The following GRIN2B variants were observed in gnomAD, a reference collection of about 807,000 sequenced individuals.
GRIN2B encodes the protein glutamate receptor ionotropic, NMDA 2B.
Under a neutral mutation model 114.5 loss-of-function variants are expected in GRIN2B, and 5 were observed. That is an observed-to-expected ratio of 0.04 (90% confidence interval 0.02 to 0.09). The LOEUF is 0.09. Among genes scored for constraint, GRIN2B ranks in the 10% least tolerant of loss-of-function variants. The probability of loss-of-function intolerance (pLI) is 1.00; values close to 1 mark genes in which losing one functional copy is unlikely to be tolerated. For synonymous variants in GRIN2B, 787 were observed against 745.1 expected (o/e 1.06, Z -0.92); for missense variants, 1,108 against 1,943.5 (o/e 0.57, Z 8.08).
rs907677743 is a variant in GRIN2B, at chr12:13,577,592, G to C, written c.2011-5628C>G. Among the ~76,000 whole-genome samples the C allele has an allele frequency of 3.3e-5, 5 of 152,220 alleles. 1 individual carries two copies. On this transcript the variant is annotated intron_variant, in intron 10 of 13. Transcript: ENST00000609686. ...GAGCAAGTAAGGGAAGTACGGATCT[G>C]GTCCATTTTTAATATATAAATTGAT...
At chr12:13,674,463 G>A (rs193003981) in intron 5 of GRIN2B, among the ~76,000 whole-genome samples, 1 of 152,098 alleles carries the variant, frequency 6.6e-6, no homozygotes, top group Non-Finnish European at 1.5e-5. Flanking sequence ...TCAACTTGAA[G>A]AATTAGATCC....
chr12:13,827,529 T>A (rs768949039), intron 3 of GRIN2B, among the ~76,000 whole-genome samples: 7 of 152,254 alleles, frequency 4.6e-5, no homozygotes, highest in Middle Eastern at 3.4e-3. Context: ...TTTATTACAA[T>A]GCCTAATCTA....
intron 10 of GRIN2B, among the ~76,000 whole-genome samples, chr12:13,607,377 TATATATAA>T (rs1949287654): frequency 7.6e-5 from 2 of 26,222 alleles, no homozygotes; most frequent in Non-Finnish European, 1.4e-4. Flanking sequence ...TTATATATTA[TATATATAA>T]TATATATTAT....
intron 2 of GRIN2B, among the ~76,000 whole-genome samples, chr12:13,928,463 C>G (rs1466945009): frequency 1.3e-5 from 2 of 151,992 alleles, no homozygotes; most frequent in Non-Finnish European, 2.9e-5. Flanking sequence ...ATATGGTTAC[C>G]TAAAAAGTTC....
chr12:13,695,628 T>C (rs1823468275), intron 4 of GRIN2B, among the ~76,000 whole-genome samples: 1 of 151,890 alleles, frequency 6.6e-6, no homozygotes, highest in Non-Finnish European at 1.5e-5. Context: ...GCAGAAGCAA[T>C]GGAAGAAATA....
intron 2 of GRIN2B, among the ~76,000 whole-genome samples, chr12:13,948,976 G>A (rs539202395): frequency 6.6e-6 from 1 of 152,288 alleles, no homozygotes; most frequent in South Asian, 2.1e-4. Context: ...AGGAGGGAAA[G>A]CAGTCTTAAG....
At chr12:13,745,124 A>G (rs1017720677) in intron 4 of GRIN2B, among the ~76,000 whole-genome samples, 1 of 152,140 alleles carries the variant, frequency 6.6e-6, no homozygotes, top group African/African-American at 2.4e-5. Flanking sequence ...TATAAAAGCC[A>G]CACAACCATC....
At chr12:13,583,893 T>G (rs530973387) in intron 10 of GRIN2B, among the ~76,000 whole-genome samples, 1 of 152,158 alleles carries the variant, frequency 6.6e-6, no homozygotes, top group African/African-American at 2.4e-5. Context: ...TGCTCAGGTG[T>G]AGCTATTGTT....
chr12:13,939,990 A>G (rs1006670727), intron 2 of GRIN2B, among the ~76,000 whole-genome samples: 4 of 152,118 alleles, frequency 2.6e-5, no homozygotes, highest in Non-Finnish European at 5.9e-5. Flanking sequence ...AACCACAGTG[A>G]CCTGTAAACC....
intron 3 of GRIN2B, among the ~76,000 whole-genome samples, chr12:13,858,586 T>C (rs1865701561): frequency 6.6e-6 from 1 of 152,230 alleles, no homozygotes; most frequent in Non-Finnish European, 1.5e-5. Flanking sequence ...CAATATTTAG[T>C]AAATTTATGT....
chr12:13,720,528 A>T (rs1361527920), intron 4 of GRIN2B, among the ~76,000 whole-genome samples: 1 of 152,122 alleles, frequency 6.6e-6, no homozygotes, highest in African/African-American at 2.4e-5. Flanking sequence ...CTGTCAAAAA[A>T]CATGAACTAA....
At chr12:13,830,204 A>G (rs1030309886) in intron 3 of GRIN2B, among the ~76,000 whole-genome samples, 10 of 152,362 alleles carry the variant, frequency 6.6e-5, no homozygotes, top group African/African-American at 1.9e-4. Context: ...AGCAGGGCAC[A>G]GTTAGTAAAC....
intron 3 of GRIN2B, among the ~76,000 whole-genome samples, chr12:13,814,518 G>C (rs912801484): frequency 3.9e-5 from 6 of 152,204 alleles, no homozygotes; most frequent in Non-Finnish European, 7.3e-5. Context: ...GAATTTCAGT[G>C]AATAATGAGA....
At chr12:13,894,174 T>G (rs1358715112) in intron 2 of GRIN2B, among the ~76,000 whole-genome samples, 1 of 152,082 alleles carries the variant, frequency 6.6e-6, no homozygotes, top group Non-Finnish European at 1.5e-5. Flanking sequence ...GCATTACAGA[T>G]CAAGAGCTTT....
intron 8 of GRIN2B, among the ~76,000 whole-genome samples, chr12:13,612,110 G>A (rs1949373142): frequency 6.6e-6 from 1 of 152,146 alleles, no homozygotes; most frequent in South Asian, 2.1e-4. Flanking sequence ...TGCCATTATT[G>A]GACCAATATC....
At chr12:13,702,465 T>G (rs996119995) in intron 4 of GRIN2B, among the ~76,000 whole-genome samples, 1 of 152,216 alleles carries the variant, frequency 6.6e-6, no homozygotes, top group Non-Finnish European at 1.5e-5. Context: ...CTAGGGAATG[T>G]CTCTGTATCA....
At chr12:13,905,353 A>G (rs1202342975) in intron 2 of GRIN2B, among the ~76,000 whole-genome samples, 1 of 152,068 alleles carries the variant, frequency 6.6e-6, no homozygotes, top group African/African-American at 2.4e-5. Flanking sequence ...CTTTTATTAC[A>G]CTTTCAGTTA....
chr12:13,806,962 AT>A (rs1269931179), intron 3 of GRIN2B, among the ~76,000 whole-genome samples: 1 of 152,096 alleles, frequency 6.6e-6, no homozygotes, highest in African/African-American at 2.4e-5. Context: ...GCCACTTAAA[AT>A]TACTCAAAGT....
intron 4 of GRIN2B, among the ~76,000 whole-genome samples, chr12:13,698,630 A>C (rs575876270): frequency 6.6e-6 from 1 of 152,284 alleles, no homozygotes; most frequent in East Asian, 1.9e-4. Context: ...TATTTTAAAA[A>C]CCAAAGAAGA....
Sources: gnomAD v4.1 joint callset for allele counts (sites outside exome capture counted in the v4.1 genomes callset) on GRCh38, gnomAD v4.1.1 for gene constraint, MANE v1.5 for transcripts, NCBI Gene and HGNC (gene_info 2026-07-23, HGNC 2026-07-21) for gene names.